The following ADGRB1 variants were observed in gnomAD, a reference collection of about 807,000 sequenced individuals.
The protein encoded by ADGRB1 is adhesion G protein-coupled receptor B1, also known as brain-specific angiogenesis inhibitor 1.
ADGRB1 carries 36 observed loss-of-function variants against 175.7 expected under a neutral mutation model. The observed-to-expected ratio is 0.20, with a 90% CI of 0.16 to 0.27. ADGRB1 has a LOEUF of 0.27. ADGRB1 is among the 10% of genes least tolerant of loss of function. ADGRB1 has a pLI of 1.00. For missense variants in ADGRB1, 1,731 were observed against 2,255.3 expected, an observed-to-expected ratio of 0.77 and a Z score of 4.71; for synonymous variants, 1,054 against 979.4, an observed-to-expected ratio of 1.08 and a Z score of -1.42.
intron 27 of ADGRB1, 86 bp from the exon 28 acceptor site, chr8:142,541,855 G>C: frequency 7.2e-7 from 1 of 1,387,646 alleles, no homozygotes; most frequent in South Asian, 1.4e-5. Flanking sequence ...TCGCAGGGCA[G>C]ACTGGGCCCC....
intron 17 of ADGRB1, 67 bp downstream of exon 17, chr8:142,490,882 G>A: frequency 1.3e-6 from 2 of 1,528,454 alleles, no homozygotes; most frequent in Non-Finnish European, 1.8e-6. Context: ...TGGCCCAGTA[G>A]GGGAGGGGTG....
intron 17 of ADGRB1, among the ~76,000 whole-genome samples, chr8:142,495,677 G>A (rs1418172612): frequency 2.6e-5 from 4 of 151,934 alleles, no homozygotes; most frequent in Non-Finnish European, 5.9e-5. Flanking sequence ...CTGGCCTTCT[G>A]TCTTGTGTAT....
chr8:142,543,515 C>G lies in ADGRB1; in HGVS notation c.4449+77C>G. ...GGCTCCCACACGGCCAGGCAGCTCC[C>G]CGGCAGCCAGGGGACGGGCGGGGCA... On this transcript the variant is annotated intron_variant, in intron 29 of 30. Transcript: ENST00000517894. The surrounding 1 kb of genome is among the most constrained non-coding windows in gnomAD (Gnocchi z 4.4). 13 of 1,606,024 alleles carry G rather than the reference C, an allele frequency of 8.1e-6. No homozygotes were observed. The highest frequency in any genetic ancestry group is 1.1e-5 in the Non-Finnish European group (13 of 1,175,950).
chr8:142,465,029 A>G, intron 2 of ADGRB1, 47 bp downstream of exon 2: 1 of 318,526 alleles, frequency 3.1e-6, no homozygotes, highest in Non-Finnish European at 4.0e-6. Context: ...GTGGGCAGAC[A>G]GGGGAGGCGG....
intron 1 of ADGRB1, among the ~76,000 whole-genome samples, chr8:142,451,568 C>T (rs762307635): frequency 6.6e-6 from 1 of 152,040 alleles, no homozygotes; most frequent in Non-Finnish European, 1.5e-5. Context: ...AGCCGCTTGT[C>T]GTTTGTGTTG....
intron 1 of ADGRB1, among the ~76,000 whole-genome samples, chr8:142,459,496 G>C (rs1016135593): frequency 1.3e-5 from 2 of 152,138 alleles, no homozygotes; most frequent in Non-Finnish European, 2.9e-5. Flanking sequence ...ACTGTGTGTG[G>C]TTCTGGCTAA....
chr8:142,529,869 G>A (rs1023456089), intron 24 of ADGRB1, among the ~76,000 whole-genome samples: 2 of 141,936 alleles, frequency 1.4e-5, no homozygotes, highest in Admixed American at 1.4e-4. Context: ...GGTGCAACCT[G>A]GTGTGTATAC....
intron 18 of ADGRB1, among the ~76,000 whole-genome samples, chr8:142,517,211 G>T (rs1262890912): frequency 1.3e-5 from 2 of 152,166 alleles, no homozygotes; most frequent in African/African-American, 2.4e-5. Context: ...GGCCTTTGCA[G>T]AGCCGGGTGG....
intron 23 of ADGRB1, 104 bp from the exon 24 acceptor site, chr8:142,526,438 G>A: frequency 9.6e-7 from 1 of 1,044,246 alleles, no homozygotes; most frequent in Non-Finnish European, 1.5e-6. Flanking sequence ...CCTGGGTGGG[G>A]TAGGGGGTCG....
At position 142,543,292 on chromosome 8, in the gene ADGRB1, G is replaced by A. The variant is rs1261398526; in HGVS notation, c.4414-111G>A. 2 of 1,446,012 alleles carry A rather than the reference G, an allele frequency of 1.4e-6. No homozygotes were observed. The highest frequency in any genetic ancestry group is 4.9e-5 in the East Asian group (2 of 41,226). The allele number at this position is 1,446,012 out of a possible 1,614,324, so 89.6% of individuals were successfully genotyped here. On this transcript the variant is annotated intron_variant, in intron 28 of 30. Coordinates refer to ENST00000517894, the MANE Select transcript of ADGRB1 (RefSeq NM_001702.3). This position sits in a 1 kb window ranked among gnomAD's most constrained non-coding sequence, Gnocchi z 4.4. ...GTCCCCTGGGTCTGGCCTGGTCCCT[G>A]AAGGCAGGCATGGGGCGAGTGAGTC...
rs1363793103 is a variant in ADGRB1, at chr8:142,509,068, G to A, written c.2676-1864G>A. The stretch of plus-strand genomic sequence containing the variant: ...CAAGAGATAAAAGCAGATGCTAAGG[G>A]CATTCTCACGGGTCTCCCCCGCCAG... On this transcript the variant is annotated intron_variant, in intron 17 of 30. Coordinates refer to ENST00000517894, the MANE Select transcript of ADGRB1 (RefSeq NM_001702.3). Among the ~76,000 whole-genome samples, 38 of 152,096 alleles carry A rather than the reference G, an allele frequency of 2.5e-4. 1 individual carries two copies. Among genetic ancestry groups the A allele is most frequent in the Admixed American group, 2.5e-3 (38 of 15,288 alleles).
chr8:142,454,948 G>A (rs963687976), intron 1 of ADGRB1, among the ~76,000 whole-genome samples: 4 of 151,962 alleles, frequency 2.6e-5, no homozygotes, highest in Non-Finnish European at 5.9e-5. Flanking sequence ...GGAGGGACCG[G>A]TGGAGACCTC....
rs1840807631 is a variant in ADGRB1, at chr8:142,474,141, T to C, written c.785-1333T>C. ...TGGCAGCTGGAGCTACCCTGGGGTC[T>C]CCTGCAGTCCACACTCCCACTGAGG... On this transcript the variant is annotated intron_variant, in intron 2 of 30. Coordinates refer to ENST00000517894, the MANE Select transcript of ADGRB1 (RefSeq NM_001702.3). This position sits in a 1 kb window ranked among gnomAD's most constrained non-coding sequence, Gnocchi z 5.8. Among the ~76,000 whole-genome samples the C allele has an allele frequency of 6.6e-6, 1 of 152,136 alleles. No homozygotes were observed. Among genetic ancestry groups the C allele is most frequent in the Non-Finnish European group, 1.5e-5 (1 of 68,012 alleles).
chr8:142,476,988 CG>C, intron 4 of ADGRB1, 125 bp from the exon 5 acceptor site: 3 of 1,324,558 alleles, frequency 2.3e-6, no homozygotes, highest in East Asian at 2.6e-5. Flanking sequence ...TTCGAAGGCC[CG>C]GGGGCTCTGC....
chr8:142,496,842 C>T (rs751641491), intron 17 of ADGRB1, among the ~76,000 whole-genome samples: 21 of 152,260 alleles, frequency 1.4e-4, no homozygotes, highest in Admixed American at 4.6e-4. Flanking sequence ...GGCAGCGTTC[C>T]GTGTGCTCCC....
rs1385277933 is a variant in ADGRB1, at chr8:142,504,340, G to A, written c.2676-6592G>A. ...GGCCTGTGGCCAGGGGACCAGCCAG[G>A]ACCAGGGCCTGGAGGCAGCAGAGGG... On this transcript the variant is annotated intron_variant, in intron 17 of 30. Coordinates refer to ENST00000517894, the MANE Select transcript of ADGRB1 (RefSeq NM_001702.3). The surrounding 1 kb of genome is among the most constrained non-coding windows in gnomAD (Gnocchi z 5.6). Among the ~76,000 whole-genome samples, 1 of 152,206 alleles carries A rather than the reference G, an allele frequency of 6.6e-6. No individual in the cohort carries two copies. Among genetic ancestry groups the A allele is most frequent in the Admixed American group, 6.5e-5 (1 of 15,288 alleles).
chr8:142,532,984 G>A (rs982493803), intron 24 of ADGRB1, among the ~76,000 whole-genome samples: 1 of 152,118 alleles, frequency 6.6e-6, no homozygotes, highest in Non-Finnish European at 1.5e-5. Flanking sequence ...TGGGGAGGGG[G>A]TGCTGGGACC....
chr8:142,464,637 C>T lies in ADGRB1; in HGVS notation c.439C>T (p.Arg147Cys), dbSNP rs1233948189. The T allele has an allele frequency of 6.6e-7, 1 of 1,519,600 alleles. No individual in the cohort carries two copies. The highest frequency in any genetic ancestry group is 1.2e-5 in the South Asian group (1 of 82,050). 94.1% of individuals were successfully genotyped at this position (1,519,600 alleles called of 1,614,324 possible). A position where few individuals can be genotyped will look rare whatever the true frequency, so the allele number is the denominator to read the frequency against. The change falls in exon 2 of 31, where the codon CGC becomes TGC. Residue 147 changes from arginine (R) to cysteine (C), a missense_variant. Transcript: ENST00000517894. The stretch of plus-strand genomic sequence containing the variant: ...CAGCAAGCAGTTCCTGCAGATGCGG[C>T]GCCAGCAGCCGCCCCAGCACGACGG... ...QASKQFLQMR[R>C]QQPPQHDGLR...
At chr8:142,479,229 G>T (rs1239824814) in intron 7 of ADGRB1, 94 bp from the exon 8 acceptor site, 2 of 1,343,976 alleles carry the variant, frequency 1.5e-6, no homozygotes, top group East Asian at 5.7e-5. Context: ...GCATGGCTCT[G>T]TGTGGGTCCC....
Sources: gnomAD v4.1 joint callset for allele counts (sites outside exome capture counted in the v4.1 genomes callset) on GRCh38, gnomAD v4.1.1 for gene constraint, Gnocchi (gnomAD v3.1) non-coding constraint, MANE v1.5 for transcripts, NCBI Gene and HGNC (gene_info 2026-07-23, HGNC 2026-07-21) for gene names.